Variants in MPRIP observed in about 807,000 individuals in gnomAD.
MPRIP encodes myosin phosphatase Rho-interacting protein.
In MPRIP, 59 loss-of-function variants were observed where a neutral mutation model predicts 234.9. The ratio of observed to expected loss-of-function variants is 0.25; its 90% CI spans 0.20 to 0.31. The LOEUF is 0.31. MPRIP is among the 10% of genes least tolerant of loss of function. The probability of loss-of-function intolerance (pLI) is 1.00; values close to 1 mark genes in which losing one functional copy is unlikely to be tolerated. For synonymous variants in MPRIP, 1,144 were observed against 1,263.9 expected (o/e 0.91, Z 2.01); for missense variants, 2,436 against 3,071.0 (o/e 0.79, Z 4.89).
intron 3 of MPRIP, among the ~76,000 whole-genome samples, chr17:17,090,797 G>T (rs2089697480): frequency 1.3e-5 from 2 of 152,180 alleles, no homozygotes; most frequent in South Asian, 4.1e-4. Flanking sequence ...TTTGCGTTGA[G>T]CCACAGGTTG....
At chr17:17,126,598 C>T in intron 3 of MPRIP, 104 bp from the exon 4 acceptor site, 1 of 1,338,546 alleles carries the variant, frequency 7.5e-7, no homozygotes, top group South Asian at 1.4e-5. Context: ...GAGAGCACTC[C>T]TAGAGGCCCC....
At chr17:17,118,070 G>A (rs977064225) in intron 3 of MPRIP, among the ~76,000 whole-genome samples, 3 of 152,256 alleles carry the variant, frequency 2.0e-5, no homozygotes, top group Non-Finnish European at 4.4e-5. Flanking sequence ...GCTGATGGAA[G>A]CCCCATGAGC....
chr17:17,150,697 CAAAAAAA>C (rs35336436), intron 12 of MPRIP, among the ~76,000 whole-genome samples: 19 of 73,470 alleles, frequency 2.6e-4, no homozygotes, highest in African/African-American at 7.6e-4. Flanking sequence ...GCACTGTTCT[CAAAAAAA>C]AAAAAAAAAA....
At chr17:17,174,209 A>T in intron 19 of MPRIP, 134 bp downstream of exon 19, 24 of 1,126,600 alleles carry the variant, frequency 2.1e-5, no homozygotes, top group Non-Finnish European at 2.7e-5. Context: ...CCTGAACCAC[A>T]GAGTGGTTAC....
chr17:17,166,409 A>G lies in MPRIP; in HGVS notation c.4818A>G (p.Glu1606=), dbSNP rs1406716561. 4 of 1,304,460 alleles carry G rather than the reference A, an allele frequency of 3.1e-6. No homozygotes were observed. The highest frequency in any genetic ancestry group is 3.0e-6 in the Non-Finnish European group (3 of 988,994). 80.8% of individuals were successfully genotyped at this position (1,304,460 alleles called of 1,614,324 possible). A position where few individuals can be genotyped will look rare whatever the true frequency, so the allele number is the denominator to read the frequency against. The part of the protein sequence containing the change: ...EISWSGQPPM[E]SAGAPVDTWA... The stretch of plus-strand genomic sequence containing the variant: ...CTTGGTCAGGACAGCCACCGATGGA[A>G]TCTGCTGGGGCCCCCGTAGACACCT... The change falls in exon 16 of 24, where the codon GAA becomes GAG. Residue 1606 remains glutamate (E), a synonymous_variant. Coordinates refer to ENST00000651222, the MANE Select transcript of MPRIP (RefSeq NM_001364716.4). The surrounding 1 kb of genome is among the most constrained non-coding windows in gnomAD (Gnocchi z 4.4).
intron 1 of MPRIP, among the ~76,000 whole-genome samples, chr17:17,056,197 T>G (rs763803343): frequency 6.6e-6 from 1 of 152,236 alleles, no homozygotes; most frequent in African/African-American, 2.4e-5. Context: ...TTTTTGCTCC[T>G]CCTTCCACCG....
chr17:17,089,007 G>A (rs1349741926), intron 3 of MPRIP, among the ~76,000 whole-genome samples: 1 of 152,174 alleles, frequency 6.6e-6, no homozygotes, highest in East Asian at 1.9e-4. Flanking sequence ...TGGCCTGAGG[G>A]CTGGTCCAGC....
At chr17:17,159,432 G>A (rs753419446) in intron 14 of MPRIP, among the ~76,000 whole-genome samples, 2 of 152,224 alleles carry the variant, frequency 1.3e-5, no homozygotes, top group Admixed American at 6.5e-5. Context: ...GCTTGGGGAC[G>A]GCCGATCAGA....
At chr17:17,106,458 G>A (rs1253524521) in intron 3 of MPRIP, among the ~76,000 whole-genome samples, 1 of 152,208 alleles carries the variant, frequency 6.6e-6, no homozygotes, top group Non-Finnish European at 1.5e-5. Flanking sequence ...TCAGAGAGAG[G>A]GCAGCAAGAG....
chr17:17,143,733 T>C (rs918425025), intron 9 of MPRIP, 64 bp downstream of exon 9: 3 of 1,066,244 alleles, frequency 2.8e-6, no homozygotes, highest in African/African-American at 1.6e-5. Flanking sequence ...TCTGAGGCGC[T>C]GTCTGTTTCT....
intron 3 of MPRIP, among the ~76,000 whole-genome samples, chr17:17,098,789 C>T (rs1311204375): frequency 6.6e-6 from 1 of 152,172 alleles, no homozygotes; most frequent in Admixed American, 6.5e-5. Flanking sequence ...TCCAGGCTGC[C>T]TGAGGCCCCT....
chr17:17,060,113 T>C (rs1336078966), intron 1 of MPRIP, among the ~76,000 whole-genome samples: 2 of 152,208 alleles, frequency 1.3e-5, no homozygotes, highest in African/African-American at 2.4e-5. Context: ...CCTGACCTCC[T>C]GCGCAGATGG....
intron 20 of MPRIP, among the ~76,000 whole-genome samples, chr17:17,175,663 C>T (rs1295073081): frequency 6.6e-6 from 1 of 152,246 alleles, no homozygotes; most frequent in Admixed American, 6.5e-5. Context: ...ACTCCACCCA[C>T]TCCCCTCCAT....
At chr17:17,156,342 C>T (rs1032760564) in intron 13 of MPRIP, among the ~76,000 whole-genome samples, 1 of 152,202 alleles carries the variant, frequency 6.6e-6, no homozygotes, top group Non-Finnish European at 1.5e-5. Flanking sequence ...GGCAGTTGGC[C>T]TCCTGACTAA....
Position 17,189,963 on chromosome 17 carries a change from C to G in MPRIP, c.*5069C>G, listed in dbSNP as rs972404827. The stretch of plus-strand genomic sequence containing the variant: ...CTGGGAACTTGCTTATTAAAAAGTT[C>G]CTTAGAATTAAGGTATCTACCCACT... On this transcript the variant is annotated 3_prime_UTR_variant, in exon 24 of 24. Transcript: ENST00000651222. The G allele has an allele frequency of 6.6e-6, 1 of 152,328 alleles. No individual in the cohort carries two copies. Among genetic ancestry groups the G allele is most frequent in the East Asian group, 1.9e-4 (1 of 5,182 alleles). The allele number at this position is 152,328 out of a possible 1,614,324, so 9.4% of individuals were successfully genotyped here.
intron 1 of MPRIP, among the ~76,000 whole-genome samples, chr17:17,074,616 C>G (rs1339857625): frequency 1.3e-5 from 2 of 152,216 alleles, no homozygotes; most frequent in African/African-American, 4.8e-5. Context: ...GAAAGAAACC[C>G]CATACCTGTT....
rs2046450004 is a variant in MPRIP, at chr17:17,185,099, C to G, written c.*205C>G. 4.5e-6 allele frequency: 2 copies of G among 447,672 alleles called. No individual in the cohort carries two copies. The highest frequency in any genetic ancestry group is 8.4e-6 in the Non-Finnish European group (2 of 238,724). The allele number at this position is 447,672 out of a possible 1,614,324, so 27.7% of individuals were successfully genotyped here. A position where few individuals can be genotyped will look rare whatever the true frequency, so the allele number is the denominator to read the frequency against. On this transcript the variant is annotated 3_prime_UTR_variant, in exon 24 of 24. Transcript: ENST00000651222. ...TGTGTTGACTTCCTGTTGTCTTCAT[C>G]AAAGCTTTTTTCCGTGGTATTCTAA...
rs2046484208 is a variant in MPRIP, at chr17:17,186,805, G to A, written c.*1911G>A. 2 of 152,246 alleles carry A rather than the reference G, an allele frequency of 1.3e-5. No individual in the cohort carries two copies. The highest frequency in any genetic ancestry group is 2.1e-4 in the South Asian group (1 of 4,824). The allele number at this position is 152,246 out of a possible 1,614,324, so 9.4% of individuals were successfully genotyped here. On this transcript the variant is annotated 3_prime_UTR_variant, in exon 24 of 24. Transcript: ENST00000651222. ...GCACTATGACCTTTCTGTGTCAATG[G>A]GAATATACAGAAGGAACATTCGGGA...
intron 20 of MPRIP, 36 bp downstream of exon 20, chr17:17,175,448 C>T: frequency 6.4e-7 from 1 of 1,560,390 alleles, no homozygotes; most frequent in Non-Finnish European, 8.7e-7. Flanking sequence ...TGACTCAGCT[C>T]TGCACCCAGG....
Sources: allele counts gnomAD v4.1 joint callset (sites outside exome capture counted in the v4.1 genomes callset), GRCh38; gene constraint gnomAD v4.1.1; non-coding constraint Gnocchi (gnomAD v3.1); transcripts MANE v1.5; gene names NCBI Gene and HGNC (gene_info 2026-07-23, HGNC 2026-07-21).